Variants in TTN observed in about 807,000 individuals in gnomAD.
TTN encodes titin.
In TTN, 1,525 loss-of-function variants were observed where a neutral mutation model predicts 3,223.0. The observed-to-expected ratio is 0.47, with a 90% confidence interval of 0.45 to 0.49. The LOEUF is 0.49. Among genes scored for constraint, TTN ranks in the 20% least tolerant of loss-of-function variants. The pLI is 0.00. For synonymous variants in TTN, 14,094 were observed against 15,161.0 expected (o/e 0.93, Z 5.17); for missense variants, 40,786 against 43,424.0 (o/e 0.94, Z 5.40).
chr2:178,557,761 T>G lies in TTN; in HGVS notation c.87593A>C (p.Lys29198Thr). 4 of 1,613,968 alleles carry G rather than the reference T, an allele frequency of 2.5e-6. No individual in the cohort carries two copies. The highest frequency in any genetic ancestry group is 3.4e-6 in the Non-Finnish European group (4 of 1,179,850). The change falls in exon 328 of 363, where the codon AAA becomes ACA. Residue 29198 changes from lysine to threonine, a missense_variant. Coordinates refer to ENST00000589042, the MANE Select transcript of TTN (RefSeq NM_001267550.2). Reference sequence around the variant, plus strand: ...TTCTCCTGTGGTCAGTTTCATGACTTTCATCATGGTTCTTGCAACTGTTGC... The same window carrying G: ...TTCTCCTGTGGTCAGTTTCATGACTGTCATCATGGTTCTTGCAACTGTTGC... ...VSATVARTMM[K>T]VMKLTTGEEY...
chr2:178,681,320 G>A (rs868646419), intron 137 of TTN, 56 bp downstream of exon 137: 3 of 1,527,106 alleles, frequency 2.0e-6, no homozygotes, highest in Non-Finnish European at 2.7e-6. Flanking sequence ...AGGAAGACAT[G>A]ATTTTAGAAC....
rs2050997801 is a variant in TTN at position 178,594,569 on chromosome 2, TAGG to T, written c.57922_57924del (p.Pro19308del). 6.2e-7 allele frequency: 1 copy of T among 1,613,206 alleles called. No individual in the cohort carries two copies. Among genetic ancestry groups the T allele is most frequent in the East Asian group, 2.2e-5 (1 of 44,760 alleles). ...ATAATTTCTGACCCACCATCATACT[TAGG>T]AGGATTCCAAGTCAAAGTTACAGTA... On this transcript the variant is annotated inframe_deletion, in exon 296 of 363. Coordinates refer to ENST00000589042, the MANE Select transcript of TTN (RefSeq NM_001267550.2).
rs1190798574 is a variant in TTN at position 178,621,971 on chromosome 2, C to T, written c.44951G>A (p.Gly14984Asp). Reference protein sequence around the residue: ...WFKDGAEIKKGKKYDIISKGA... With the variant: ...WFKDGAEIKKDKKYDIISKGA... ...CTTGGATATGATGTCATATTTTTTGCCCTTTTTAATTTCAGCACCATCTTT... is the reference window on the plus strand; with the variant it reads ...CTTGGATATGATGTCATATTTTTTGTCCTTTTTAATTTCAGCACCATCTTT... The change falls in exon 244 of 363, where the codon GGC (glycine) becomes GAC (aspartate). Residue 14984 changes from glycine (G) to aspartate (D), a missense_variant. By Grantham distance (94) the Gly-to-Asp change is moderately conservative (BLOSUM62 -1). Transcript: ENST00000589042. 6.2e-7 allele frequency: 1 copy of T among 1,610,428 alleles called. No individual in the cohort carries two copies. Among genetic ancestry groups the T allele is most frequent in the Non-Finnish European group, 8.5e-7 (1 of 1,178,162 alleles).
chr2:178,612,717 G>T, intron 265 of TTN, 56 bp downstream of exon 265: 1 of 1,559,306 alleles, frequency 6.4e-7, no homozygotes, highest in Non-Finnish European at 8.6e-7. Context: ...TCATATCGTA[G>T]CTCACAGGCA....
rs761742775 is a variant in TTN, at chr2:178,740,258, G to C, written c.12975C>G (p.Gly4325=). 6.2e-6 allele frequency: 10 copies of C among 1,613,422 alleles called. No individual in the cohort carries two copies. The African/African-American group carries it at 1.3e-4, about 22-fold the overall frequency. Residue 4325 remains glycine, a synonymous_variant, in exon 48 of 363, where the codon GGC becomes GGG. Transcript: ENST00000589042. ...GTGCTAGTGGAAATCTTAAGGACTT[G>C]CCTTCCTCAATTCTGACCGCAGAAT... The part of the protein sequence containing the change: ...GQDSAVRIEE[G]KSLRFPLALE...
intron 243 of TTN, among the ~76,000 whole-genome samples, chr2:178,622,448 A>C (rs1388767556): frequency 6.6e-6 from 1 of 151,900 alleles, no homozygotes. Context: ...TAATATCTAA[A>C]TCTCCTGATT....
chr2:178,613,165 G>A lies in TTN; in HGVS notation c.49644C>T (p.Pro16548=). The A allele has an allele frequency of 4.3e-6, 7 of 1,609,574 alleles. No individual in the cohort carries two copies. The highest frequency in any genetic ancestry group is 5.9e-6 in the Non-Finnish European group (7 of 1,178,376). Residue 16548 remains proline, a synonymous_variant, in exon 264 of 363, where the codon CCC becomes CCT. Coordinates refer to ENST00000589042, the MANE Select transcript of TTN (RefSeq NM_001267550.2). ...KSTEPILIKD[P]IDPPWPPGKP... is the part of the protein sequence containing the mutation. Reference sequence around the variant, plus strand: ...CAAAAATTATATAAATAATACCTATGGGATCCTTTATTAAGATTGGTTCAG... The same window carrying A: ...CAAAAATTATATAAATAATACCTATAGGATCCTTTATTAAGATTGGTTCAG...
chr2:178,595,415 T>A, intron 295 of TTN, 92 bp downstream of exon 295: 1 of 1,228,574 alleles, frequency 8.1e-7, no homozygotes, highest in East Asian at 2.5e-5. Flanking sequence ...GTGAATGAAA[T>A]GTACGGCATT....
chr2:178,572,505 G>A lies in TTN; in HGVS notation c.73627C>T (p.Pro24543Ser), dbSNP rs1277675236. The change falls in exon 326 of 363, where the codon CCT (proline) becomes TCT (serine). Residue 24543 changes from proline to serine, a missense_variant. By Grantham distance (74) the Pro-to-Ser change is moderately conservative. Transcript: ENST00000589042. Reference protein sequence around the residue: ...KTSVTLTWDPPLLDGGSKIKN... With the variant: ...KTSVTLTWDPSLLDGGSKIKN... The stretch of plus-strand genomic sequence containing the variant: ...ATTTTTGAACCTCCATCAAGGAGAG[G>A]TGGGTCCCATGTGAGTGTGACAGAT... 7 of 1,613,240 alleles carry A rather than the reference G, an allele frequency of 4.3e-6. No homozygotes were observed. The highest frequency in any genetic ancestry group is 5.9e-6 in the Non-Finnish European group (7 of 1,179,600).
In TTN at chr2:178,550,261, A is replaced by C; in HGVS notation, c.91577T>G (p.Val30526Gly). Reference sequence around the variant, plus strand: ...ATCAAAGTATTCAGGGCCAAACTCTACTATTGGTGGAACTATAAAAGAAAG... The same window carrying C: ...ATCAAAGTATTCAGGGCCAAACTCTCCTATTGGTGGAACTATAAAAGAAAG... Reference protein sequence around the residue: ...MTRDENVPPIVEFGPEYFDGL... With the variant: ...MTRDENVPPIGEFGPEYFDGL... Residue 30526 changes from valine to glycine, a missense_variant, in exon 337 of 363, where the codon GTA becomes GGA. Coordinates refer to ENST00000589042, the MANE Select transcript of TTN (RefSeq NM_001267550.2). The C allele has an allele frequency of 6.2e-7, 1 of 1,609,212 alleles. No individual in the cohort carries two copies. Among genetic ancestry groups the C allele is most frequent in the Non-Finnish European group, 8.5e-7 (1 of 1,177,088 alleles).
chr2:178,597,471 T>C (rs1050112279), intron 294 of TTN, 67 bp downstream of exon 294: 3 of 1,505,934 alleles, frequency 2.0e-6, no homozygotes, highest in South Asian at 1.2e-5. Context: ...GCATACAGCA[T>C]AGCTTTGTGT....
chr2:178,550,493 T>A (rs960067664), intron 336 of TTN: 2 of 519,866 alleles, frequency 3.8e-6, no homozygotes, highest in African/African-American at 3.8e-5. Context: ...GTCATGTTTT[T>A]AATTTTGCAT....
chr2:178,576,738 C>A lies in TTN; in HGVS notation c.69506G>T (p.Ser23169Ile), dbSNP rs879245080. 7 of 1,613,514 alleles carry A rather than the reference C, an allele frequency of 4.3e-6. No individual in the cohort carries two copies. Among genetic ancestry groups the A allele is most frequent in the Non-Finnish European group, 5.9e-6 (7 of 1,179,622 alleles). ...TTCTACATGATATCCTGTAATTTCG[C>A]TGCCACCATCATCCACTGGCCTTTT... ...SWKRPVDDGG[S>I]EITGYHVERR... is the part of the protein sequence containing the mutation. The change falls in exon 325 of 363, where the codon AGC becomes ATC. Residue 23169 changes from serine to isoleucine, a missense_variant. Coordinates refer to ENST00000589042, the MANE Select transcript of TTN (RefSeq NM_001267550.2). This position sits in a 1 kb window ranked among gnomAD's most constrained non-coding sequence, Gnocchi z 4.3.
Position 178,777,027 on chromosome 2 carries a change from C to G in TTN, c.4837G>C (p.Ala1613Pro), listed in dbSNP as rs757349504. 6.2e-7 allele frequency: 1 copy of G among 1,614,016 alleles called. No individual in the cohort carries two copies. Among genetic ancestry groups the G allele is most frequent in the Non-Finnish European group, 8.5e-7 (1 of 1,179,980 alleles). ...KIRIEGTKGE[A>P]ALKIDSTVSQ... is the part of the protein sequence containing the mutation. The stretch of plus-strand genomic sequence containing the variant: ...ACAGTGGAATCGATTTTAAGGGCAG[C>G]TTCTCCCTTGGTTCCTTCAATTCTA... The change falls in exon 28 of 363, where the codon GCT (alanine) becomes CCT (proline). Residue 1613 changes from alanine (A) to proline (P), a missense_variant. Coordinates refer to ENST00000589042, the MANE Select transcript of TTN (RefSeq NM_001267550.2).
At chr2:178,716,849 C>A (rs1676429317) in intron 88 of TTN, among the ~76,000 whole-genome samples, 1 of 152,134 alleles carries the variant, frequency 6.6e-6, no homozygotes. Flanking sequence ...TCGGTTATCT[C>A]TCTCTAGTCT....
intron 149 of TTN, 67 bp downstream of exon 149, chr2:178,675,603 TC>T: frequency 8.4e-7 from 1 of 1,186,098 alleles, no homozygotes; most frequent in Non-Finnish European, 1.1e-6. Flanking sequence ...ATGTTGAGTG[TC>T]CTGTGTGGAT....
At chr2:178,586,454 G>T in intron 308 of TTN, 51 bp downstream of exon 308, 2 of 1,588,114 alleles carry the variant, frequency 1.3e-6, no homozygotes, top group Non-Finnish European at 8.6e-7. Context: ...TATAAAAGAA[G>T]AAATTCTAAT....
In TTN at chr2:178,568,347, G is replaced by C. The variant is rs758386212; in HGVS notation, c.77785C>G (p.Gln25929Glu). Residue 25929 changes from glutamine (Q) to glutamate (E), a missense_variant, in exon 326 of 363, where the codon CAG (glutamine) becomes GAG (glutamate). By Grantham distance (29) the Gln-to-Glu change is conservative. Coordinates refer to ENST00000589042, the MANE Select transcript of TTN (RefSeq NM_001267550.2). ...GGCQITNYIV[Q>E]KRDTTTTVWD... is the part of the protein sequence containing the mutation. ...ACTGTGGTGGTTGTATCTCTTTTCT[G>C]AACAATGTAGTTGGTGATTTGGCAG... The C allele has an allele frequency of 1.9e-6, 3 of 1,613,372 alleles. No homozygotes were observed. The highest frequency in any genetic ancestry group is 2.2e-5 in the South Asian group (2 of 91,072).
chr2:178,695,915 T>C lies in TTN; in HGVS notation c.31157A>G (p.Glu10386Gly), dbSNP rs1374067450. ...AATTACTTCCCTTTCTTGGTAAGCC[T>C]CTTCCCACTCTTCCTCCCCTTCGTC... Reference protein sequence around the residue: ...GYDEGEEEWEEAYQEREVIQV... With the variant: ...GYDEGEEEWEGAYQEREVIQV... Residue 10386 changes from glutamate to glycine, a missense_variant, in exon 114 of 363, where the codon GAG (glutamate) becomes GGG (glycine). Physicochemically the swap from Glu to Gly is moderately conservative, Grantham distance 98 (BLOSUM62 -2). Transcript: ENST00000589042. 21 of 1,482,678 alleles carry C rather than the reference T, an allele frequency of 1.4e-5. No homozygotes were observed. The highest frequency in any genetic ancestry group is 1.9e-5 in the Non-Finnish European group (21 of 1,117,912). 91.8% of individuals were successfully genotyped at this position (1,482,678 alleles called of 1,614,324 possible).
Sources: allele counts gnomAD v4.1 joint callset (sites outside exome capture counted in the v4.1 genomes callset), GRCh38; gene constraint gnomAD v4.1.1; non-coding constraint Gnocchi (gnomAD v3.1); transcripts MANE v1.5; gene names NCBI Gene and HGNC (gene_info 2026-07-23, HGNC 2026-07-21).